PGGT1B: variants seen among roughly 807,000 people sequenced by gnomAD.
PGGT1B encodes the protein geranylgeranyl transferase type-1 subunit beta.
PGGT1B carries 30 observed loss-of-function variants against 46.1 expected under a neutral mutation model. The observed-to-expected ratio is 0.65, with a 90% CI of 0.49 to 0.88. The LOEUF is 0.88. PGGT1B is among the 40% of genes least tolerant of loss of function. PGGT1B has a pLI of 0.00. For synonymous variants in PGGT1B, 170 were observed against 160.0 expected, an observed-to-expected ratio of 1.06 and a Z score of -0.47; for missense variants, 376 against 455.9, an observed-to-expected ratio of 0.82 and a Z score of 1.60.
Position 115,207,400 on chromosome 5 carries a change from A to G in PGGT1B, c.*5002T>C, listed in dbSNP as rs1018145616. On this transcript the variant is annotated 3_prime_UTR_variant, in exon 9 of 9. Transcript: ENST00000419445. Reference sequence around the variant, plus strand: ...TACCCTCTTTCAGTCCTACTGAGTTAAAGCCAGTTGAAAAATAATGTATAC... The same window carrying G: ...TACCCTCTTTCAGTCCTACTGAGTTGAAGCCAGTTGAAAAATAATGTATAC... The G allele has an allele frequency of 4.6e-5, 7 of 151,776 alleles. No homozygotes were observed. Among genetic ancestry groups the G allele is most frequent in the Non-Finnish European group, 1.0e-4 (7 of 67,786 alleles). 9.4% of individuals were successfully genotyped at this position (151,776 alleles called of 1,614,324 possible).
chr5:115,239,353 G>C (rs147975437), intron 3 of PGGT1B, among the ~76,000 whole-genome samples: 2 of 152,168 alleles, frequency 1.3e-5, no homozygotes, highest in East Asian at 3.9e-4. Context: ...CAGATATGCA[G>C]TTCTTTATAT....
At chr5:115,228,408 C>T (rs1040766306) in intron 6 of PGGT1B, among the ~76,000 whole-genome samples, 6 of 151,836 alleles carry the variant, frequency 4.0e-5, no homozygotes, top group African/African-American at 1.2e-4. Flanking sequence ...AAACATAGGT[C>T]GTTTATAAAA....
chr5:115,222,456 C>A (rs1356284941), intron 6 of PGGT1B, among the ~76,000 whole-genome samples: 1 of 152,170 alleles, frequency 6.6e-6, no homozygotes, highest in East Asian at 1.9e-4. Flanking sequence ...AGCTGATATA[C>A]AGATACTACA....
chr5:115,233,162 C>T (rs1757050215), intron 5 of PGGT1B, among the ~76,000 whole-genome samples: 1 of 151,804 alleles, frequency 6.6e-6, no homozygotes, highest in Admixed American at 6.6e-5. Context: ...GCCTCTACTC[C>T]CAAGAAATAG....
At chr5:115,232,448 T>A (rs1757022981) in intron 5 of PGGT1B, among the ~76,000 whole-genome samples, 1 of 152,064 alleles carries the variant, frequency 6.6e-6, no homozygotes. Context: ...AAATACTCCA[T>A]CTTATAATTT....
At chr5:115,235,256 T>C (rs985159002) in intron 5 of PGGT1B, among the ~76,000 whole-genome samples, 1 of 151,890 alleles carries the variant, frequency 6.6e-6, no homozygotes, top group Non-Finnish European at 1.5e-5. Flanking sequence ...CTGAAGTCCA[T>C]AGAGATATAA....
intron 5 of PGGT1B, among the ~76,000 whole-genome samples, chr5:115,233,780 A>G (rs1471001324): frequency 2.0e-5 from 3 of 152,044 alleles, no homozygotes; most frequent in African/African-American, 2.4e-5. Flanking sequence ...AAAAACAAAA[A>G]AAGTATAACG....
rs2126980896 is a variant in PGGT1B at position 115,207,949 on chromosome 5, T to TAA, written c.*4451_*4452dup. On this transcript the variant is annotated 3_prime_UTR_variant, in exon 9 of 9. Coordinates refer to ENST00000419445, the MANE Select transcript of PGGT1B (RefSeq NM_005023.4). ...CAATTTCTACTTAGTATAGTTAACA[T>TAA]AAGTGAGTGCTCAATTCTATCATGT... 6.6e-6 allele frequency: 1 copy of TAA among 152,212 alleles called. No individual in the cohort carries two copies. Among genetic ancestry groups the TAA allele is most frequent in the South Asian group, 2.1e-4 (1 of 4,826 alleles). The allele number at this position is 152,212 out of a possible 1,614,324, so 9.4% of individuals were successfully genotyped here. A position where few individuals can be genotyped will look rare whatever the true frequency, so the allele number is the denominator to read the frequency against.
chr5:115,221,032 A>G (rs1756572791), intron 7 of PGGT1B, among the ~76,000 whole-genome samples: 1 of 152,008 alleles, frequency 6.6e-6, no homozygotes, highest in Admixed American at 6.6e-5. Flanking sequence ...ATTGAAATGC[A>G]CCTGAGAAAT....
At chr5:115,227,656 T>C (rs1489179726) in intron 6 of PGGT1B, among the ~76,000 whole-genome samples, 1 of 152,192 alleles carries the variant, frequency 6.6e-6, no homozygotes, top group Non-Finnish European at 1.5e-5. Context: ...TGTCAGTGAT[T>C]TTCCCTGACC....
chr5:115,240,183 G>A (rs970669417), intron 3 of PGGT1B, among the ~76,000 whole-genome samples: 6 of 152,134 alleles, frequency 3.9e-5, no homozygotes, highest in Non-Finnish European at 8.8e-5. Context: ...ATATCAGGGT[G>A]CAGGTGAATG....
intron 6 of PGGT1B, among the ~76,000 whole-genome samples, chr5:115,224,235 G>A (rs1338044114): frequency 6.6e-6 from 1 of 152,050 alleles, no homozygotes; most frequent in Non-Finnish European, 1.5e-5. Context: ...ATGACTTCAA[G>A]TTTTATTACA....
intron 8 of PGGT1B, 87 bp from the exon 9 acceptor site, chr5:115,212,670 T>C (rs1040631714): frequency 1.2e-6 from 1 of 853,094 alleles, no homozygotes; most frequent in Admixed American, 2.7e-5. Context: ...TACCAGCCCA[T>C]CACTCCATTA....
chr5:115,215,656 C>A (rs1450155696), intron 8 of PGGT1B, among the ~76,000 whole-genome samples: 1 of 152,136 alleles, frequency 6.6e-6, no homozygotes, highest in Non-Finnish European at 1.5e-5. Flanking sequence ...AATATTCCTG[C>A]TCATTTCAAA....
rs1755988435 is a variant in PGGT1B, at chr5:115,204,092, G to A, written c.*8310C>T. On this transcript the variant is annotated 3_prime_UTR_variant, in exon 9 of 9. Coordinates refer to ENST00000419445, the MANE Select transcript of PGGT1B (RefSeq NM_005023.4). ...AAATCATATTAGTTTTTCGGGGGTAGGAGTAAAGATCACATTGTTGAATTA... is the reference window on the plus strand; with the variant it reads ...AAATCATATTAGTTTTTCGGGGGTAAGAGTAAAGATCACATTGTTGAATTA... 6.6e-6 allele frequency: 1 copy of A among 152,136 alleles called. No homozygotes were observed. Among genetic ancestry groups the A allele is most frequent in the African/African-American group, 2.4e-5 (1 of 41,444 alleles). The allele number at this position is 152,136 out of a possible 1,614,324, so 9.4% of individuals were successfully genotyped here.
intron 8 of PGGT1B, among the ~76,000 whole-genome samples, chr5:115,214,156 ATATCTATAAT>A (rs1205407171): frequency 1.3e-5 from 2 of 152,212 alleles, no homozygotes; most frequent in Non-Finnish European, 2.9e-5. Flanking sequence ...CAGAAAATAT[ATATCTATAAT>A]AACATAAAAT....
In PGGT1B at chr5:115,236,475, T is replaced by A; in HGVS notation, c.527A>T (p.Tyr176Phe). 6.4e-7 allele frequency: 1 copy of A among 1,573,742 alleles called. No individual in the cohort carries two copies. The highest frequency in any genetic ancestry group is 8.6e-7 in the Non-Finnish European group (1 of 1,163,690). Residue 176 changes from tyrosine (Y) to phenylalanine (F), a missense_variant, in exon 5 of 9, where the codon TAC becomes TTC. Physicochemically the swap from Tyr to Phe is conservative, Grantham distance 22. Coordinates refer to ENST00000419445, the MANE Select transcript of PGGT1B (RefSeq NM_005023.4). ...CATATAGCAAATACAGGAAGCACAG[T>A]ACACAAATCGCATGTCATTTTCACT... The part of the protein sequence containing the change: ...EGSENDMRFV[Y>F]CASCICYMLN...
rs577599779 is a variant in PGGT1B, at chr5:115,229,086, T to G, written c.658+1890A>C. Among the ~76,000 whole-genome samples, 4 of 152,270 alleles carry G rather than the reference T, an allele frequency of 2.6e-5. No homozygotes were observed. The East Asian group carries it at 7.7e-4, about 29-fold the overall frequency. On this transcript the variant is annotated intron_variant, in intron 6 of 8. Transcript: ENST00000419445. ...TAGAAAGAGGTTTCACTTGCTAGTA[T>G]AGATGGTGATGAGAAGGGGAAAGAA...
At chr5:115,259,020 T>C (rs933437966) in intron 1 of PGGT1B, among the ~76,000 whole-genome samples, 3 of 152,210 alleles carry the variant, frequency 2.0e-5, no homozygotes, top group Non-Finnish European at 4.4e-5. Context: ...AGACACTCTA[T>C]TAAGAGTTAA....
Sources: allele counts gnomAD v4.1 joint callset (sites outside exome capture counted in the v4.1 genomes callset), GRCh38; gene constraint gnomAD v4.1.1; transcripts MANE v1.5; gene names NCBI Gene and HGNC (gene_info 2026-07-23, HGNC 2026-07-21).